The following MTUS2 variants were observed in gnomAD, a reference collection of about 807,000 sequenced individuals.
The protein encoded by MTUS2 is microtubule-associated tumor suppressor candidate 2.
A neutral mutation model predicts 114.1 loss-of-function variants in MTUS2; 40 were observed. The ratio of observed to expected loss-of-function variants is 0.35; its 90% CI spans 0.27 to 0.46. The LOEUF is 0.46. Ranked by LOEUF, MTUS2 falls within the 20% of genes least tolerant of loss-of-function variation. The pLI is 1.00. For missense variants in MTUS2, 1,679 were observed against 1,705.4 expected (o/e 0.98, Z 0.27); for synonymous variants, 688 against 672.0 (o/e 1.02, Z -0.37).
chr13:28,824,657 C>G (rs1874142303), intron 1 of MTUS2, among the ~76,000 whole-genome samples: 1 of 151,924 alleles, frequency 6.6e-6, no homozygotes, highest in African/African-American at 2.4e-5. Context: ...TGCCTTTAAC[C>G]AGTGTCTAGC....
intron 2 of MTUS2, among the ~76,000 whole-genome samples, chr13:28,933,738 A>C (rs1881747007): frequency 6.6e-6 from 1 of 152,216 alleles, no homozygotes; most frequent in African/African-American, 2.4e-5. Flanking sequence ...CCATTCAGCA[A>C]ACAAGGAAAC....
chr13:29,429,487 C>G (rs1333596734), intron 8 of MTUS2, among the ~76,000 whole-genome samples: 4 of 152,200 alleles, frequency 2.6e-5, no homozygotes, highest in South Asian at 4.1e-4. Context: ...GTGTTCAAGT[C>G]TTCACAGGAG....
Position 28,906,035 on chromosome 13 carries a change from T to G in MTUS2, c.-243+66185T>G, listed in dbSNP as rs1307808445. Reference sequence around the variant, plus strand: ...CATTTCTTTTAGTTTTTCTAGTTTATTTGCGTAGAGTTGTTTGTAGTATTC... The same window carrying G: ...CATTTCTTTTAGTTTTTCTAGTTTAGTTGCGTAGAGTTGTTTGTAGTATTC... On this transcript the variant is annotated intron_variant, in intron 2 of 15. Transcript: ENST00000612955. 3.3e-5 allele frequency among the ~76,000 whole-genome samples: 5 copies of G among 151,826 alleles called. No individual in the cohort carries two copies. In the East Asian group the frequency reaches 9.6e-4, roughly 29 times the overall value.
intron 8 of MTUS2, among the ~76,000 whole-genome samples, chr13:29,376,087 G>A (rs960439809): frequency 1.3e-5 from 2 of 151,560 alleles, no homozygotes; most frequent in African/African-American, 4.9e-5. Context: ...TTATTTAATG[G>A]GAAATGATAC....
intron 8 of MTUS2, among the ~76,000 whole-genome samples, chr13:29,374,505 C>A (rs1593365728): frequency 1.3e-5 from 2 of 152,226 alleles, no homozygotes; most frequent in African/African-American, 4.8e-5. Context: ...GATTTCTCAT[C>A]ATAAATTATG....
chr13:28,840,033 T>TC (rs965264259), intron 2 of MTUS2, among the ~76,000 whole-genome samples, 183 bp downstream of exon 2: 2 of 151,592 alleles, frequency 1.3e-5, no homozygotes, highest in Admixed American at 1.3e-4. Flanking sequence ...AAGCTTAATT[T>TC]TTTTTTTTTT....
chr13:29,376,035 ATATATG>A (rs1371731363), intron 8 of MTUS2, among the ~76,000 whole-genome samples: 91 of 110,054 alleles, frequency 8.3e-4, no homozygotes, highest in Middle Eastern at 4.9e-3. Context: ...GTGTATATAT[ATATATG>A]TGTGTGTGTG....
chr13:29,272,406 T>C (rs1897913470), intron 5 of MTUS2, among the ~76,000 whole-genome samples: 1 of 152,258 alleles, frequency 6.6e-6, no homozygotes, highest in Admixed American at 6.5e-5. Flanking sequence ...CATCTTCTTA[T>C]TAATGACTGT....
intron 2 of MTUS2, among the ~76,000 whole-genome samples, chr13:28,903,570 A>C (rs888863780): frequency 6.6e-6 from 1 of 151,790 alleles, no homozygotes; most frequent in South Asian, 2.1e-4. Flanking sequence ...AGCTTCATCC[A>C]TGTCCCTACA....
At chr13:29,453,989 A>G (rs966347036) in intron 9 of MTUS2, among the ~76,000 whole-genome samples, 2 of 152,212 alleles carry the variant, frequency 1.3e-5, no homozygotes, top group African/African-American at 4.8e-5. Context: ...CTATCAGTCT[A>G]TTTGCTTAAT....
intron 2 of MTUS2, among the ~76,000 whole-genome samples, chr13:28,878,276 T>C (rs963059461): frequency 7.2e-6 from 1 of 139,852 alleles, no homozygotes; most frequent in African/African-American, 3.3e-5. Context: ...TGTGTATATA[T>C]GTGTGTGTAT....
rs141723149 is a variant in MTUS2, at chr13:29,132,294, T to TA, written c.2644+31327dup. On this transcript the variant is annotated intron_variant, in intron 5 of 15. Transcript: ENST00000612955. ...TTCCTGTTCTCTTCAAATTCTTCTA[T>TA]AAATTACTGTCATTGCATTCAAAAA... Among the ~76,000 whole-genome samples, 799 of 152,360 alleles carry TA rather than the reference T, an allele frequency of 5.2e-3. 3 individuals are homozygous for TA. The highest frequency in any genetic ancestry group is 0.019 in the African/African-American group (772 of 41,592).
chr13:29,480,509 C>A lies in MTUS2; in HGVS notation c.3399+145C>A. 1.1e-6 allele frequency: 1 copy of A among 905,150 alleles called. No homozygotes were observed. The highest frequency in any genetic ancestry group is 1.6e-6 in the Non-Finnish European group (1 of 620,968). The allele number at this position is 905,150 out of a possible 1,614,324, so 56.1% of individuals were successfully genotyped here. A position where few individuals can be genotyped will look rare whatever the true frequency, so the allele number is the denominator to read the frequency against. ...TTTCTGAGTTGCTTTCTCCTTTCTC[C>A]CCGCTCCTCTCTTCTCCTCCAGCCA... is the stretch of plus-strand genomic sequence containing the variant. On this transcript the variant is annotated intron_variant, in intron 10 of 15. Coordinates refer to ENST00000612955, the MANE Select transcript of MTUS2 (RefSeq NM_001033602.4). This position sits in a 1 kb window ranked among gnomAD's most constrained non-coding sequence, Gnocchi z 4.4.
chr13:28,829,528 T>A (rs1392300310), intron 1 of MTUS2, among the ~76,000 whole-genome samples: 1 of 112,990 alleles, frequency 8.9e-6, no homozygotes, highest in Non-Finnish European at 2.1e-5. Context: ...TAGGACTCCG[T>A]CTAAAAAAAA....
At chr13:29,389,391 GTGTGTATATATGTATACA>G (rs1872957484) in intron 8 of MTUS2, among the ~76,000 whole-genome samples, 1 of 13,450 alleles carries the variant, frequency 7.4e-5, no homozygotes. Context: ...GTATACACGT[GTGTGTATATATGTATACA>G]CGTGTGTGTG....
At chr13:29,468,173 C>T (rs1880021796) in intron 9 of MTUS2, among the ~76,000 whole-genome samples, 1 of 152,228 alleles carries the variant, frequency 6.6e-6, no homozygotes, top group African/African-American at 2.4e-5. Context: ...GTATTTATTA[C>T]TAAAAAAGAG....
At chr13:29,226,565 T>A (rs1300770453) in intron 5 of MTUS2, among the ~76,000 whole-genome samples, 1 of 152,056 alleles carries the variant, frequency 6.6e-6, no homozygotes, top group African/African-American at 2.4e-5. Flanking sequence ...TATTTTAAAA[T>A]TTTAAATATT....
chr13:29,071,075 G>T (rs199629996), intron 4 of MTUS2, among the ~76,000 whole-genome samples: 153 of 54,684 alleles, frequency 2.8e-3, no homozygotes, highest in Non-Finnish European at 4.5e-3. Context: ...TGCTATCTCG[G>T]TTCACTGCAA....
intron 9 of MTUS2, among the ~76,000 whole-genome samples, chr13:29,452,570 A>G (rs9550469): frequency 0.5 from 65,439 of 131,154 alleles, 15,810 homozygotes; most frequent in East Asian, 0.87. Flanking sequence ...ATATATATAT[A>G]TATATGTGTG....
Sources: gnomAD v4.1 joint callset for allele counts (sites outside exome capture counted in the v4.1 genomes callset) on GRCh38, gnomAD v4.1.1 for gene constraint, Gnocchi (gnomAD v3.1) non-coding constraint, MANE v1.5 for transcripts, NCBI Gene and HGNC (gene_info 2026-07-23, HGNC 2026-07-21) for gene names.